Variants in MTUS1 observed in about 807,000 individuals in gnomAD.
MTUS1 encodes microtubule associated scaffold protein 1, also known as microtubule-associated tumor suppressor 1.
In MTUS1, 109 loss-of-function variants were observed where a neutral mutation model predicts 120.8. That is an observed-to-expected ratio of 0.90 (90% CI 0.77 to 1.06). The LOEUF is 1.06. Among genes scored for constraint, MTUS1 ranks in the 50% least tolerant of loss-of-function variants. The pLI, the probability that MTUS1 is intolerant of heterozygous loss-of-function variation, is 0.00. For missense variants in MTUS1, 2,210 were observed against 1,486.3 expected, an observed-to-expected ratio of 1.49 and a Z score of -8.01; for synonymous variants, 737 against 550.5, an observed-to-expected ratio of 1.34 and a Z score of -4.74.
chr8:17,662,869 A>T (rs1225381602), intron 8 of MTUS1, among the ~76,000 whole-genome samples: 1 of 151,870 alleles, frequency 6.6e-6, no homozygotes, highest in East Asian at 1.9e-4. Context: ...AAAAAGGAAG[A>T]AAGGAGGAAG....
intron 2 of MTUS1, among the ~76,000 whole-genome samples, chr8:17,746,785 C>T (rs184795363): frequency 7.5e-4 from 114 of 152,310 alleles, no homozygotes; most frequent in African/African-American, 1.6e-3. Flanking sequence ...TGTATCAATT[C>T]ACTTAACCCT....
chr8:17,731,883 C>T (rs192836778), intron 3 of MTUS1, among the ~76,000 whole-genome samples: 4 of 152,342 alleles, frequency 2.6e-5, no homozygotes, highest in Middle Eastern at 3.4e-3. Flanking sequence ...TCCCCATCAC[C>T]ATTGCTTAAC....
chr8:17,662,818 C>G (rs1316889553), intron 8 of MTUS1, among the ~76,000 whole-genome samples: 1 of 136,184 alleles, frequency 7.3e-6, no homozygotes, highest in African/African-American at 2.8e-5. Context: ...AGAGGAAATA[C>G]AGTTCTCAGG....
chr8:17,689,812 G>C (rs930953986), intron 6 of MTUS1, among the ~76,000 whole-genome samples: 1 of 151,672 alleles, frequency 6.6e-6, no homozygotes, highest in Non-Finnish European at 1.5e-5. Flanking sequence ...TCAATAAATG[G>C]TGCTGGGAAA....
intron 5 of MTUS1, among the ~76,000 whole-genome samples, chr8:17,713,768 T>C (rs1821789843): frequency 6.6e-6 from 1 of 152,210 alleles, no homozygotes; most frequent in African/African-American, 2.4e-5. Flanking sequence ...AAAAGAAATC[T>C]ATGATGCTTC....
intron 1 of MTUS1, among the ~76,000 whole-genome samples, chr8:17,765,232 C>G (rs964827102): frequency 6.6e-6 from 1 of 152,174 alleles, no homozygotes; most frequent in Admixed American, 6.5e-5. Context: ...TGAACACAGA[C>G]GAAGCTTTGC....
At position 17,754,351 on chromosome 8, in the gene MTUS1, G is replaced by A. The variant is rs753977024; in HGVS notation, c.1457C>T (p.Thr486Met). Reference sequence around the variant, plus strand: ...AACTTTGCAGCCTATTGGGGTATTCGTTTTGATTGTTGATTTTCCTAAACT... The same window carrying A: ...AACTTTGCAGCCTATTGGGGTATTCATTTTGATTGTTGATTTTCCTAAACT... ...KPSLGKSTIK[T>M]NTPIGCKVRK... Residue 486 changes from threonine (T) to methionine (M), a missense_variant, in exon 2 of 15, where the codon ACG (threonine) becomes ATG (methionine). By Grantham distance (81) the Thr-to-Met change is moderately conservative. Coordinates refer to ENST00000693296, the MANE Select transcript of MTUS1 (RefSeq NM_001363059.2). The A allele has an allele frequency of 1.2e-5, 19 of 1,613,910 alleles. No homozygotes were observed. The highest frequency in any genetic ancestry group is 3.3e-5 in the South Asian group (3 of 91,072).
At position 17,783,604 on chromosome 8, in the gene MTUS1, T is replaced by C. The variant is rs191379118; in HGVS notation, c.-155+17457A>G. Among the ~76,000 whole-genome samples, 59 of 152,226 alleles carry C rather than the reference T, an allele frequency of 3.9e-4. 1 individual carries two copies. The highest frequency in any genetic ancestry group is 2.0e-3 in the Admixed American group (30 of 15,288). On this transcript the variant is annotated intron_variant, in intron 1 of 14. Transcript: ENST00000693296. The stretch of plus-strand genomic sequence containing the variant: ...GTGGAAATTCACAAGTTGGGCATTG[T>C]TTAGCTTTGTATCCCTGTGGCTACT...
At chr8:17,720,058 G>A (rs563918311) in intron 4 of MTUS1, among the ~76,000 whole-genome samples, 52 of 152,208 alleles carry the variant, frequency 3.4e-4, no homozygotes, top group African/African-American at 1.3e-3. Flanking sequence ...GGAAAACTAC[G>A]GTGGGACCGG....
At chr8:17,779,043 C>T (rs1460714492) in intron 1 of MTUS1, among the ~76,000 whole-genome samples, 1 of 152,074 alleles carries the variant, frequency 6.6e-6, no homozygotes, top group East Asian at 1.9e-4. Context: ...CATAGGAAAG[C>T]ATGGATGCTC....
At chr8:17,789,926 C>G (rs1290652253) in intron 1 of MTUS1, among the ~76,000 whole-genome samples, 1 of 152,174 alleles carries the variant, frequency 6.6e-6, no homozygotes, top group Non-Finnish European at 1.5e-5. Flanking sequence ...GCATTCGTCT[C>G]TTCCCAGTTC....
At chr8:17,695,315 G>A (rs1221826716) in intron 6 of MTUS1, among the ~76,000 whole-genome samples, 1 of 152,134 alleles carries the variant, frequency 6.6e-6, no homozygotes, top group South Asian at 2.1e-4. Context: ...TGGAAAATAT[G>A]TACGCCAAAA....
At chr8:17,678,562 G>C (rs17125101) in intron 7 of MTUS1, among the ~76,000 whole-genome samples, 24 of 152,076 alleles carry the variant, frequency 1.6e-4, no homozygotes, top group Non-Finnish European at 2.2e-4. Flanking sequence ...CAACAGCATA[G>C]AGCATCTTGC....
intron 6 of MTUS1, among the ~76,000 whole-genome samples, chr8:17,688,895 G>A (rs1816383212): frequency 6.6e-6 from 1 of 152,126 alleles, no homozygotes; most frequent in South Asian, 2.1e-4. Context: ...GCTCAGCAAA[G>A]CACAGTGTTT....
At chr8:17,677,018 C>G (rs1813269879) in intron 7 of MTUS1, among the ~76,000 whole-genome samples, 1 of 152,170 alleles carries the variant, frequency 6.6e-6, no homozygotes, top group South Asian at 2.1e-4. Flanking sequence ...TCAGCAGGGA[C>G]TGGGATTTAA....
intron 6 of MTUS1, among the ~76,000 whole-genome samples, chr8:17,688,288 G>C (rs569638936): frequency 2.0e-5 from 3 of 152,298 alleles, no homozygotes; most frequent in Admixed American, 6.5e-5. Context: ...GGTGCTTTGC[G>C]GGGACAGGAG....
chr8:17,766,423 C>T (rs1367870258), intron 1 of MTUS1, among the ~76,000 whole-genome samples: 1 of 152,156 alleles, frequency 6.6e-6, no homozygotes, highest in African/African-American at 2.4e-5. Context: ...ACATGGCTAT[C>T]TTTTTTCAAG....
At chr8:17,790,804 T>A (rs1423560848) in intron 1 of MTUS1, among the ~76,000 whole-genome samples, 1 of 152,104 alleles carries the variant, frequency 6.6e-6, no homozygotes, top group African/African-American at 2.4e-5. Context: ...GTGGCCTACA[T>A]GGTGAAACTC....
chr8:17,706,898 G>C (rs1657706975), intron 6 of MTUS1, among the ~76,000 whole-genome samples: 1 of 152,170 alleles, frequency 6.6e-6, no homozygotes, highest in Admixed American at 6.5e-5. Context: ...ATTTTAAAAA[G>C]CTGAAGGGTG....
Sources: gnomAD v4.1 joint callset for allele counts (sites outside exome capture counted in the v4.1 genomes callset) on GRCh38, gnomAD v4.1.1 for gene constraint, MANE v1.5 for transcripts, NCBI Gene and HGNC (gene_info 2026-07-23, HGNC 2026-07-21) for gene names.